Variants in FSTL5 observed in about 807,000 individuals in gnomAD.
FSTL5 encodes follistatin-related protein 5.
Under a neutral mutation model 89.1 loss-of-function variants are expected in FSTL5, and 62 were observed. That is an observed-to-expected ratio of 0.70 (90% CI 0.57 to 0.86). FSTL5 has a LOEUF of 0.86. Ranked by LOEUF, FSTL5 falls within the 40% of genes least tolerant of loss-of-function variation. The probability of loss-of-function intolerance (pLI) is 0.00; values close to 1 mark genes in which losing one functional copy is unlikely to be tolerated. For missense variants in FSTL5, 1,057 were observed against 1,001.6 expected, an observed-to-expected ratio of 1.06 and a Z score of -0.75; for synonymous variants, 383 against 346.2, an observed-to-expected ratio of 1.11 and a Z score of -1.18.
At chr4:161,450,096 T>C (rs536112094) in intron 15 of FSTL5, among the ~76,000 whole-genome samples, 1 of 152,266 alleles carries the variant, frequency 6.6e-6, no homozygotes, top group South Asian at 2.1e-4. Flanking sequence ...TCAGGAAGGA[T>C]TAATGAAGAT....
At position 161,677,181 on chromosome 4, in the gene FSTL5, AT is replaced by A. The variant is rs541467283; in HGVS notation, c.728-20688del. Among the ~76,000 whole-genome samples the A allele has an allele frequency of 6.2e-3, 927 of 150,214 alleles. 9 individuals carry two copies. Among genetic ancestry groups the A allele is most frequent in the South Asian group, 0.046 (220 of 4,764 alleles). ...CAAAATGCTCTTTTGAAACTACAGA[AT>A]TTTTTTTTTGAGAAATGTTTGGTCA... On this transcript the variant is annotated intron_variant, in intron 6 of 15. Transcript: ENST00000306100.
intron 1 of FSTL5, among the ~76,000 whole-genome samples, chr4:162,151,371 AT>A (rs75348211): frequency 0.23 from 35,342 of 152,016 alleles, 4,296 homozygotes; most frequent in Non-Finnish European, 0.25. Flanking sequence ...AACTCAAAAC[AT>A]TACTGTCTGT....
intron 3 of FSTL5, among the ~76,000 whole-genome samples, chr4:161,934,358 A>C (rs1372728757): frequency 1.3e-5 from 2 of 152,120 alleles, no homozygotes; most frequent in Admixed American, 6.6e-5. Context: ...ATAAAATCAT[A>C]GGTGAAGACA....
chr4:161,492,692 C>T (rs1729922649), intron 12 of FSTL5, among the ~76,000 whole-genome samples: 1 of 151,824 alleles, frequency 6.6e-6, no homozygotes, highest in Non-Finnish European at 1.5e-5. Flanking sequence ...AAATGACTAA[C>T]ATAGAAAAAA....
chr4:161,847,179 A>G (rs1579137715), intron 4 of FSTL5, among the ~76,000 whole-genome samples: 1 of 152,194 alleles, frequency 6.6e-6, no homozygotes, highest in East Asian at 1.9e-4. Flanking sequence ...AGAAAACATC[A>G]ATATCAGGGT....
chr4:161,743,566 T>TGAAAAAC (rs1426289406), intron 6 of FSTL5, among the ~76,000 whole-genome samples: 2 of 152,166 alleles, frequency 1.3e-5, no homozygotes, highest in African/African-American at 4.8e-5. Flanking sequence ...TTTAGTTTTT[T>TGAAAAAC]TTTCTATTTC....
At chr4:162,052,803 C>A (rs1300469779) in intron 2 of FSTL5, among the ~76,000 whole-genome samples, 1 of 151,768 alleles carries the variant, frequency 6.6e-6, no homozygotes, top group Admixed American at 6.6e-5. Flanking sequence ...AAAATCTACT[C>A]TCTTAGTTTT....
intron 7 of FSTL5, among the ~76,000 whole-genome samples, chr4:161,656,047 A>G (rs1457790475): frequency 1.3e-5 from 2 of 152,200 alleles, no homozygotes; most frequent in African/African-American, 4.8e-5. Context: ...GAATATTTAC[A>G]TATTAAAACT....
rs535469949 is a variant in FSTL5 at position 161,834,639 on chromosome 4, G to A, written c.410-58565C>T. The stretch of plus-strand genomic sequence containing the variant: ...CAAAATCAATGTACAAAAATCACAA[G>A]CATTCTTATACACCAATAACAGACA... On this transcript the variant is annotated intron_variant, in intron 4 of 15. Coordinates refer to ENST00000306100, the MANE Select transcript of FSTL5 (RefSeq NM_020116.5). Among the ~76,000 whole-genome samples, 378 of 152,110 alleles carry A rather than the reference G, an allele frequency of 2.5e-3. 1 individual carries two copies. Among genetic ancestry groups the A allele is most frequent in the Non-Finnish European group, 4.5e-3 (309 of 68,002 alleles).
intron 4 of FSTL5, among the ~76,000 whole-genome samples, chr4:161,777,455 A>G (rs1177828396): frequency 1.3e-5 from 2 of 152,106 alleles, no homozygotes; most frequent in Non-Finnish European, 2.9e-5. Context: ...GTAAATTAGT[A>G]CAAACACTAT....
chr4:161,825,560 A>C (rs72979182), intron 4 of FSTL5, among the ~76,000 whole-genome samples: 13,731 of 151,934 alleles, frequency 0.09, 773 homozygotes, highest in African/African-American at 0.16. Context: ...CCATTTTAAT[A>C]TTGCTGATTG....
chr4:161,638,315 G>C (rs1290840637), intron 7 of FSTL5, among the ~76,000 whole-genome samples: 3 of 151,676 alleles, frequency 2.0e-5, no homozygotes, highest in Non-Finnish European at 4.4e-5. Context: ...CATTGATTTT[G>C]TATCCTGAGA....
intron 4 of FSTL5, among the ~76,000 whole-genome samples, chr4:161,804,843 C>A (rs935117280): frequency 6.6e-6 from 1 of 151,910 alleles, no homozygotes; most frequent in Non-Finnish European, 1.5e-5. Flanking sequence ...ATATAGTTGG[C>A]CAATAAGATC....
intron 4 of FSTL5, among the ~76,000 whole-genome samples, chr4:161,831,428 C>T (rs1730841023): frequency 6.6e-6 from 1 of 151,740 alleles, no homozygotes; most frequent in Non-Finnish European, 1.5e-5. Context: ...CACCTGAATG[C>T]ATTTTTGTGG....
At chr4:161,784,751 G>A (rs960701325) in intron 4 of FSTL5, among the ~76,000 whole-genome samples, 13 of 151,820 alleles carry the variant, frequency 8.6e-5, no homozygotes, top group African/African-American at 2.7e-4. Context: ...AAAATTAGCC[G>A]GACGTGGTGG....
intron 15 of FSTL5, among the ~76,000 whole-genome samples, chr4:161,420,627 A>G (rs560048108): frequency 1.3e-4 from 19 of 151,906 alleles, no homozygotes; most frequent in African/African-American, 4.6e-4. Flanking sequence ...TCATATAGTC[A>G]TATATTCAAT....
chr4:161,734,532 T>C (rs1739723581), intron 6 of FSTL5, among the ~76,000 whole-genome samples: 1 of 152,192 alleles, frequency 6.6e-6, no homozygotes, highest in Non-Finnish European at 1.5e-5. Flanking sequence ...AGTGATGTTT[T>C]GGTTCAAAAT....
intron 8 of FSTL5, among the ~76,000 whole-genome samples, chr4:161,568,901 C>T (rs1732908286): frequency 6.6e-6 from 1 of 152,126 alleles, no homozygotes; most frequent in Non-Finnish European, 1.5e-5. Flanking sequence ...AACAAAATTA[C>T]ATGTACTGTC....
At chr4:161,833,031 T>G (rs1730900256) in intron 4 of FSTL5, among the ~76,000 whole-genome samples, 1 of 151,222 alleles carries the variant, frequency 6.6e-6, no homozygotes, top group Admixed American at 6.6e-5. Context: ...GCTATAAATT[T>G]CCCTCTACAC....
Sources: gnomAD v4.1 joint callset for allele counts (sites outside exome capture counted in the v4.1 genomes callset) on GRCh38, gnomAD v4.1.1 for gene constraint, MANE v1.5 for transcripts, NCBI Gene and HGNC (gene_info 2026-07-23, HGNC 2026-07-21) for gene names.